CTIF: variants seen among roughly 807,000 people sequenced by gnomAD.
CTIF encodes the protein CBP80/20-dependent translation initiation factor.
In CTIF, 21 loss-of-function variants were observed where a neutral mutation model predicts 66.0. The observed-to-expected ratio is 0.32, with a 90% CI of 0.23 to 0.46. The LOEUF is 0.46. Among genes scored for constraint, CTIF ranks in the 20% least tolerant of loss-of-function variants. The pLI is 1.00. For synonymous variants in CTIF, 345 were observed against 326.4 expected, an observed-to-expected ratio of 1.06 and a Z score of -0.62; for missense variants, 739 against 812.7, an observed-to-expected ratio of 0.91 and a Z score of 1.10.
At chr18:48,811,479 T>G (rs1465737455) in intron 9 of CTIF, among the ~76,000 whole-genome samples, 3 of 152,222 alleles carry the variant, frequency 2.0e-5, no homozygotes, top group East Asian at 1.9e-4. Context: ...AGTTCAATAG[T>G]GTAGAGTCAC....
At chr18:48,854,997 TCTGCATTTCCACCGCCCCGGAG>T (rs1293177146) in intron 10 of CTIF, among the ~76,000 whole-genome samples, 35 of 152,340 alleles carry the variant, frequency 2.3e-4, no homozygotes, top group Non-Finnish European at 4.6e-4. Context: ...TGGTTTGTTT[TCTGCATTTCCACCGCCCCGGAG>T]CTGCATTTCC....
At chr18:48,704,745 C>G (rs557144612) in intron 6 of CTIF, among the ~76,000 whole-genome samples, 1 of 152,322 alleles carries the variant, frequency 6.6e-6, no homozygotes, top group South Asian at 2.1e-4. Flanking sequence ...GTGTCCTCAT[C>G]CTAACTTAAT....
chr18:48,855,141 T>A (rs1314233665), intron 10 of CTIF, among the ~76,000 whole-genome samples: 1 of 152,332 alleles, frequency 6.6e-6, no homozygotes, highest in South Asian at 2.1e-4. Context: ...TTGGTAGATC[T>A]GTGCTGCTTT....
chr18:48,753,874 C>G (rs1908079508), intron 7 of CTIF, among the ~76,000 whole-genome samples: 1 of 152,232 alleles, frequency 6.6e-6, no homozygotes, highest in African/African-American at 2.4e-5. Context: ...CATCCCTGGC[C>G]CAGCCAAACC....
chr18:48,727,990 T>G (rs2092400163), intron 7 of CTIF, among the ~76,000 whole-genome samples: 1 of 152,186 alleles, frequency 6.6e-6, no homozygotes, highest in South Asian at 2.1e-4. Context: ...AACTTGTCTC[T>G]CTCTTCTCAC....
intron 7 of CTIF, among the ~76,000 whole-genome samples, chr18:48,719,392 C>T (rs906214305): frequency 1.3e-5 from 2 of 152,048 alleles, no homozygotes; most frequent in African/African-American, 4.8e-5. Context: ...GACCAGGTCC[C>T]CCAGATCTTG....
intron 9 of CTIF, among the ~76,000 whole-genome samples, chr18:48,808,639 T>A (rs2068200315): frequency 6.6e-6 from 1 of 152,136 alleles, no homozygotes; most frequent in African/African-American, 2.4e-5. Context: ...CCTGCACTGT[T>A]GCTTGAGTGA....
intron 9 of CTIF, among the ~76,000 whole-genome samples, chr18:48,810,626 T>A (rs965125289): frequency 1.3e-5 from 2 of 151,956 alleles, no homozygotes; most frequent in Non-Finnish European, 2.9e-5. Flanking sequence ...ATCACCTAAG[T>A]CATTTGTTTT....
chr18:48,823,551 T>C (rs944461036), intron 10 of CTIF, among the ~76,000 whole-genome samples: 4 of 152,240 alleles, frequency 2.6e-5, no homozygotes, highest in Non-Finnish European at 5.9e-5. Flanking sequence ...ACCATACTGT[T>C]TTGATTGCTG....
intron 1 of CTIF, among the ~76,000 whole-genome samples, chr18:48,595,913 C>A (rs1599210780): frequency 1.3e-5 from 2 of 152,100 alleles, no homozygotes; most frequent in East Asian, 3.9e-4. Context: ...ACTGAGTTGT[C>A]CACAGTTCCT....
intron 9 of CTIF, among the ~76,000 whole-genome samples, chr18:48,799,789 T>A (rs2068010093): frequency 6.6e-6 from 1 of 152,296 alleles, no homozygotes; most frequent in African/African-American, 2.4e-5. Flanking sequence ...AGATACACAC[T>A]GAGGGCCTCC....
intron 1 of CTIF, among the ~76,000 whole-genome samples, chr18:48,597,418 G>A (rs950898262): frequency 6.6e-6 from 1 of 152,232 alleles, no homozygotes; most frequent in African/African-American, 2.4e-5. Context: ...GATCTCCAGT[G>A]TTGGAGGTGG....
At chr18:48,780,632 G>A (rs577592215) in intron 9 of CTIF, among the ~76,000 whole-genome samples, 10 of 152,298 alleles carry the variant, frequency 6.6e-5, no homozygotes, top group African/African-American at 2.4e-4. Flanking sequence ...GATAAAGGGG[G>A]ATCCTTTCAT....
At chr18:48,740,339 A>G (rs1442729530) in intron 7 of CTIF, among the ~76,000 whole-genome samples, 6 of 152,076 alleles carry the variant, frequency 3.9e-5, no homozygotes, top group South Asian at 4.1e-4. Context: ...TCCCCCTACC[A>G]TCGACCTCCA....
At chr18:48,857,483 C>T (rs1470711539) in intron 10 of CTIF, 105 bp from the exon 11 acceptor site, 13 of 912,706 alleles carry the variant, frequency 1.4e-5, no homozygotes, top group Non-Finnish European at 2.0e-5. Flanking sequence ...TGTTACAGGC[C>T]GCATCAGGGC....
chr18:48,834,680 G>C (rs1447440299), intron 10 of CTIF: 2 of 152,724 alleles, frequency 1.3e-5, no homozygotes, highest in African/African-American at 4.8e-5. Flanking sequence ...CTGAGGCCCA[G>C]AGGCAACGTA....
intron 3 of CTIF, among the ~76,000 whole-genome samples, chr18:48,640,432 C>T (rs1483915386): frequency 6.6e-6 from 1 of 152,224 alleles, no homozygotes; most frequent in Non-Finnish European, 1.5e-5. Flanking sequence ...GGCCCAGGCT[C>T]AGTCTGTGCA....
At chr18:48,757,888 G>C in intron 7 of CTIF, 31 bp from the exon 8 acceptor site, 9 of 1,589,620 alleles carry the variant, frequency 5.7e-6, no homozygotes, top group African/African-American at 1.3e-5. Context: ...CCCAGTGATC[G>C]CCTTCTCTGT....
chr18:48,683,721 G>C (rs2091787150), intron 6 of CTIF, among the ~76,000 whole-genome samples: 1 of 152,140 alleles, frequency 6.6e-6, no homozygotes, highest in African/African-American at 2.4e-5. Flanking sequence ...ATTACTCCTG[G>C]GGACTTTGGT....
Sources: gnomAD v4.1 joint callset for allele counts (sites outside exome capture counted in the v4.1 genomes callset) on GRCh38, gnomAD v4.1.1 for gene constraint, MANE v1.5 for transcripts, NCBI Gene and HGNC (gene_info 2026-07-23, HGNC 2026-07-21) for gene names.